The following ATOSA variants were observed in gnomAD, a reference collection of about 807,000 sequenced individuals.
ATOSA encodes the protein atos homolog A.
chr15:52,584,246 G>C, the ATOSA span, among the ~76,000 whole-genome samples: 5 of 149,818 alleles, frequency 3.3e-5, no homozygotes, highest in African/African-American at 7.4e-5. Context: ...CCGGGTTCAA[G>C]CAATTCTCCT....
chr15:52,671,071 C>G, the ATOSA span, among the ~76,000 whole-genome samples: 1 of 152,080 alleles, frequency 6.6e-6, no homozygotes. Flanking sequence ...AAATTCAGCA[C>G]AGGGGGTGGA....
the ATOSA span, among the ~76,000 whole-genome samples, chr15:52,695,506 C>T: frequency 0.13 from 20,272 of 152,182 alleles, 3,414 homozygotes; most frequent in African/African-American, 0.39. Context: ...TAAGATCCTC[C>T]CTATTCATTC....
chr15:52,687,172 G>A, the ATOSA span, among the ~76,000 whole-genome samples: 1 of 152,224 alleles, frequency 6.6e-6, no homozygotes, highest in Non-Finnish European at 1.5e-5. Flanking sequence ...TTGGGAGGCT[G>A]AGGTGGGTGG....
chr15:52,666,018 A>C, the ATOSA span, among the ~76,000 whole-genome samples: 13 of 152,208 alleles, frequency 8.5e-5, no homozygotes, highest in Non-Finnish European at 4.4e-5. Context: ...ACAGACTAGA[A>C]GGAAAAACAC....
At chr15:52,611,305 T>C in the ATOSA span, 39 of 1,594,286 alleles carry the variant, frequency 2.4e-5, 2 homozygotes, top group Middle Eastern at 3.4e-4. Context: ...ACAAAATGAC[T>C]GAATTTTAGA....
At chr15:52,601,146 T>C in the ATOSA span, 1 of 1,544,324 alleles carries the variant, frequency 6.5e-7, no homozygotes, top group South Asian at 1.2e-5. Context: ...GCAACCTGAT[T>C]GTGTTTTTCT....
At chr15:52,614,936 A>G in the ATOSA span, among the ~76,000 whole-genome samples, 1 of 152,192 alleles carries the variant, frequency 6.6e-6, no homozygotes, top group Non-Finnish European at 1.5e-5. Context: ...AAAATGTCTT[A>G]TGTCATATTT....
chr15:52,670,317 C>T, the ATOSA span, among the ~76,000 whole-genome samples: 59 of 152,148 alleles, frequency 3.9e-4, no homozygotes, highest in Non-Finnish European at 5.4e-4. Flanking sequence ...CAGTGCTAGG[C>T]GTATGTTAAG....
chr15:52,637,851 T>C, the ATOSA span, among the ~76,000 whole-genome samples: 1 of 152,200 alleles, frequency 6.6e-6, no homozygotes, highest in African/African-American at 2.4e-5. Flanking sequence ...TCCTATAAGA[T>C]GGAAGCTCTC....
the ATOSA span, among the ~76,000 whole-genome samples, chr15:52,652,278 A>G: frequency 6.6e-6 from 1 of 152,354 alleles, no homozygotes; most frequent in African/African-American, 2.4e-5. Context: ...TGCCCCTGAA[A>G]TGTGTTTCTT....
chr15:52,643,844 C>T, the ATOSA span, among the ~76,000 whole-genome samples: 12 of 151,518 alleles, frequency 7.9e-5, no homozygotes, highest in Non-Finnish European at 1.5e-4. Context: ...ACCCGGGAGG[C>T]GGAGGTTGCA....
the ATOSA span, among the ~76,000 whole-genome samples, chr15:52,639,047 T>C: frequency 1.4e-5 from 2 of 142,534 alleles, no homozygotes; most frequent in African/African-American, 2.6e-5. Flanking sequence ...AAAAAGAAAG[T>C]ATCAAAGCTC....
At chr15:52,682,939 T>A in the ATOSA span, among the ~76,000 whole-genome samples, 3 of 152,222 alleles carry the variant, frequency 2.0e-5, no homozygotes, top group Admixed American at 6.5e-5. Context: ...ATAAGTTGGT[T>A]GTCTGGTTTA....
chr15:52,601,819 T>C, the ATOSA span, among the ~76,000 whole-genome samples: 1 of 152,198 alleles, frequency 6.6e-6, no homozygotes, highest in African/African-American at 2.4e-5. Flanking sequence ...GAATATTAAA[T>C]ATGTGTACCT....
the ATOSA span, among the ~76,000 whole-genome samples, chr15:52,612,406 T>C: frequency 6.6e-6 from 1 of 152,192 alleles, no homozygotes; most frequent in African/African-American, 2.4e-5. Flanking sequence ...TTGCCTACTT[T>C]ATTAATTTCA....
At chr15:52,618,205 AT>A in the ATOSA span, among the ~76,000 whole-genome samples, 1 of 151,742 alleles carries the variant, frequency 6.6e-6, no homozygotes, top group South Asian at 2.1e-4. Context: ...CGTCTGGCTA[AT>A]TTTTTTGTAT....
At chr15:52,594,291 TAA>T in the ATOSA span, among the ~76,000 whole-genome samples, 1 of 152,200 alleles carries the variant, frequency 6.6e-6, no homozygotes, top group African/African-American at 2.4e-5. Flanking sequence ...TGTGCATTTA[TAA>T]AAAGTTTAGA....
At chr15:52,694,130 G>C in the ATOSA span, among the ~76,000 whole-genome samples, 86 of 149,630 alleles carry the variant, frequency 5.7e-4, 1 homozygote, top group Non-Finnish European at 1.1e-3. Context: ...GAGTATGTGT[G>C]TGTGTGCGTG....
chr15:52,676,253 A>T, the ATOSA span, among the ~76,000 whole-genome samples: 21 of 148,266 alleles, frequency 1.4e-4, no homozygotes, highest in Non-Finnish European at 3.0e-4. Context: ...AATGTAGTTT[A>T]AAAAAAAAAA....
Sources: allele counts gnomAD v4.1 joint callset (sites outside exome capture counted in the v4.1 genomes callset), GRCh38; gene constraint gnomAD v4.1.1; transcripts MANE v1.5; gene names NCBI Gene and HGNC (gene_info 2026-07-23, HGNC 2026-07-21).